Variants in CAB39 observed in about 807,000 individuals in gnomAD.
CAB39 encodes the protein calcium-binding protein 39.
Under a neutral mutation model 40.0 loss-of-function variants are expected in CAB39, and 8 were observed. The ratio of observed to expected loss-of-function variants is 0.20; its 90% CI spans 0.12 to 0.36. The LOEUF (loss-of-function observed/expected upper bound fraction) is 0.36, where lower values mean the gene tolerates loss of function less well. Ranked by LOEUF, CAB39 falls within the 10% of genes least tolerant of loss-of-function variation. The probability of loss-of-function intolerance (pLI) is 1.00; values close to 1 mark genes in which losing one functional copy is unlikely to be tolerated. For missense variants in CAB39, 270 were observed against 401.1 expected, an observed-to-expected ratio of 0.67 and a Z score of 2.79; for synonymous variants, 156 against 141.6, an observed-to-expected ratio of 1.10 and a Z score of -0.72.
intron 2 of CAB39, among the ~76,000 whole-genome samples, chr2:230,787,479 T>C (rs1459893787): frequency 2.0e-5 from 3 of 152,298 alleles, no homozygotes; most frequent in Non-Finnish European, 4.4e-5. Context: ...GAGATTAAAT[T>C]AAATAGAAAA....
At chr2:230,796,453 C>T (rs1426873050) in intron 4 of CAB39, among the ~76,000 whole-genome samples, 1 of 151,892 alleles carries the variant, frequency 6.6e-6, no homozygotes, top group Non-Finnish European at 1.5e-5. Context: ...ATGGTTTAAT[C>T]GTTTAGACAA....
At chr2:230,770,476 C>T (rs551829480) in intron 2 of CAB39, among the ~76,000 whole-genome samples, 1 of 152,320 alleles carries the variant, frequency 6.6e-6, no homozygotes, top group South Asian at 2.1e-4. Flanking sequence ...AGTGAAGACT[C>T]TAGGCCCAGA....
chr2:230,778,945 C>T (rs1382025885), intron 2 of CAB39: 2 of 151,888 alleles, frequency 1.3e-5, no homozygotes, highest in African/African-American at 4.8e-5. Flanking sequence ...TGCTGTTGAC[C>T]AAGACGTTAT....
intron 2 of CAB39, among the ~76,000 whole-genome samples, chr2:230,781,058 G>A (rs1030399123): frequency 4.0e-5 from 6 of 150,826 alleles, no homozygotes; most frequent in South Asian, 2.1e-4. Flanking sequence ...TTCCACCTGG[G>A]CAACAGAGCT....
chr2:230,736,207 A>G (rs1694786436), intron 1 of CAB39, among the ~76,000 whole-genome samples: 1 of 152,198 alleles, frequency 6.6e-6, no homozygotes, highest in Admixed American at 6.5e-5. Flanking sequence ...ATTGTTACCT[A>G]TTTCTACAGC....
At chr2:230,778,966 A>G (rs529299484) in intron 2 of CAB39, 1 of 152,288 alleles carries the variant, frequency 6.6e-6, no homozygotes, top group East Asian at 1.9e-4. Context: ...GTGGTGCGTG[A>G]CTATAGTTAC....
chr2:230,763,884 G>A (rs1006581734), intron 2 of CAB39, among the ~76,000 whole-genome samples: 1 of 152,140 alleles, frequency 6.6e-6, no homozygotes, highest in Non-Finnish European at 1.5e-5. Context: ...CACTTTGGGA[G>A]GCCTAGTCGA....
chr2:230,744,600 T>C (rs557467777), intron 1 of CAB39, among the ~76,000 whole-genome samples: 1 of 152,360 alleles, frequency 6.6e-6, no homozygotes, highest in South Asian at 2.1e-4. Context: ...CCTCCAACCA[T>C]ATTTTGAAGT....
chr2:230,820,756 C>G lies in CAB39; in HGVS notation c.*2052C>G, dbSNP rs186718372. 3 of 152,718 alleles carry G rather than the reference C, an allele frequency of 2.0e-5. No homozygotes were observed. In the East Asian group the frequency reaches 5.8e-4, roughly 29 times the overall value. The allele number at this position is 152,718 out of a possible 1,614,324, so 9.5% of individuals were successfully genotyped here. A position where few individuals can be genotyped will look rare whatever the true frequency, so the allele number is the denominator to read the frequency against. On this transcript the variant is annotated 3_prime_UTR_variant, in exon 9 of 9. Coordinates refer to ENST00000258418, the MANE Select transcript of CAB39 (RefSeq NM_016289.4). ...CTTACATTGGAATCTGAAGGTAGTT[C>G]AGACTTCGTGGGTTTTGTTTTTAAG...
intron 1 of CAB39, among the ~76,000 whole-genome samples, chr2:230,746,306 A>G (rs1694975297): frequency 6.6e-6 from 1 of 152,176 alleles, no homozygotes; most frequent in Non-Finnish European, 1.5e-5. Flanking sequence ...GGGTGGTTTC[A>G]TGGATGGAAA....
Position 230,793,207 on chromosome 2 carries a change from T to C in CAB39, c.280-6T>C. 6.4e-7 allele frequency: 1 copy of C among 1,562,148 alleles called. No homozygotes were observed. Among genetic ancestry groups the C allele is most frequent in the Non-Finnish European group, 8.8e-7 (1 of 1,134,826 alleles). On this transcript the variant is annotated splice_polypyrimidine_tract_variant and splice_region_variant and intron_variant, in intron 3 of 8. Coordinates refer to ENST00000258418, the MANE Select transcript of CAB39 (RefSeq NM_016289.4). ...GAAAATGTGTTAATGATTGTATTCC[T>C]AATAGGGCAAAAAAGACGTGGCTCA...
intron 7 of CAB39, among the ~76,000 whole-genome samples, chr2:230,816,907 C>T (rs1696411600): frequency 6.6e-6 from 1 of 152,232 alleles, no homozygotes; most frequent in Admixed American, 6.5e-5. Flanking sequence ...AAGCTCTCCA[C>T]AGCTCTGCCA....
intron 5 of CAB39, among the ~76,000 whole-genome samples, chr2:230,800,548 G>A (rs181853460): frequency 6.6e-6 from 1 of 152,308 alleles, no homozygotes; most frequent in African/African-American, 2.4e-5. Flanking sequence ...TCGGTGGAAG[G>A]GTATGTCCCA....
chr2:230,782,871 A>C (rs1374126409), intron 2 of CAB39, among the ~76,000 whole-genome samples: 2 of 133,720 alleles, frequency 1.5e-5, no homozygotes, highest in African/African-American at 5.9e-5. Flanking sequence ...CCCAGGCTGG[A>C]GTGCAGTGGT....
chr2:230,745,245 G>A (rs2459927), intron 1 of CAB39, among the ~76,000 whole-genome samples: 1,577 of 152,224 alleles, frequency 0.01, 24 homozygotes, highest in Admixed American at 0.018. Flanking sequence ...TCTAGTTTTA[G>A]GATCGTGGAG....
intron 1 of CAB39, among the ~76,000 whole-genome samples, chr2:230,723,937 T>A (rs2124859101): frequency 6.6e-6 from 1 of 152,272 alleles, no homozygotes; most frequent in South Asian, 2.1e-4. Context: ...CACATACCAA[T>A]TCAGTATGCA....
intron 5 of CAB39, among the ~76,000 whole-genome samples, chr2:230,803,401 G>T (rs901065799): frequency 1.3e-5 from 2 of 152,170 alleles, no homozygotes; most frequent in African/African-American, 2.4e-5. Context: ...GGAAGTTCTG[G>T]CCAGGGCAAT....
chr2:230,802,711 G>A (rs1263674073), intron 5 of CAB39, among the ~76,000 whole-genome samples: 6 of 152,184 alleles, frequency 3.9e-5, no homozygotes, highest in Non-Finnish European at 8.8e-5. Flanking sequence ...AAACCAGGAA[G>A]AAGTTGAATC....
At chr2:230,807,817 A>T (rs1347948176) in intron 5 of CAB39, among the ~76,000 whole-genome samples, 6 of 152,162 alleles carry the variant, frequency 3.9e-5, no homozygotes, top group Non-Finnish European at 1.5e-5. Context: ...CTCAGTTGAG[A>T]GCCAGTGTCT....
Sources: gnomAD v4.1 joint callset for allele counts (sites outside exome capture counted in the v4.1 genomes callset) on GRCh38, gnomAD v4.1.1 for gene constraint, MANE v1.5 for transcripts, NCBI Gene and HGNC (gene_info 2026-07-23, HGNC 2026-07-21) for gene names.